Variants in TMEM167A observed in about 807,000 individuals in gnomAD.
TMEM167A encodes the protein protein kish-A.
TMEM167A carries 8 observed loss-of-function variants against 11.6 expected under a neutral mutation model. The observed-to-expected ratio is 0.69, with a 90% confidence interval of 0.40 to 1.24. The LOEUF (loss-of-function observed/expected upper bound fraction) is 1.24. Among genes scored for constraint, TMEM167A ranks in the 50% most tolerant of loss-of-function variants. The probability of loss-of-function intolerance (pLI) is 0.01; values close to 1 mark genes in which losing one functional copy is unlikely to be tolerated. For synonymous variants in TMEM167A, 22 were observed against 28.0 expected (o/e 0.79, Z 0.67); for missense variants, 62 against 87.0 (o/e 0.71, Z 1.14).
chr5:83,061,956 G>A (rs763625689), intron 2 of TMEM167A, 45 bp from the exon 3 acceptor site: 11 of 1,497,256 alleles, frequency 7.3e-6, no homozygotes, highest in South Asian at 2.3e-5. Flanking sequence ...TGATTACTCG[G>A]AAAGGTAAAT....
At position 83,052,940 on chromosome 5, in the gene TMEM167A, A is replaced by T. The variant is rs967309293; in HGVS notation, c.*4144T>A. ...CTGTACTCTTAAAATCACAGGAAAT[A>T]TAATTCCACCTCCCCCTTTTTTTCT... On this transcript the variant is annotated 3_prime_UTR_variant, in exon 4 of 4. Transcript: ENST00000502346. 6.6e-6 allele frequency: 1 copy of T among 151,950 alleles called. No individual in the cohort carries two copies. The highest frequency in any genetic ancestry group is 2.4e-5 in the African/African-American group (1 of 41,406). The allele number at this position is 151,950 out of a possible 1,614,324, so 9.4% of individuals were successfully genotyped here. A position where few individuals can be genotyped will look rare whatever the true frequency, so the allele number is the denominator to read the frequency against.
rs191924643 is a variant in TMEM167A, at chr5:83,060,403, G to T, written c.148+1474C>A. On this transcript the variant is annotated intron_variant, in intron 3 of 3. Coordinates refer to ENST00000502346, the MANE Select transcript of TMEM167A (RefSeq NM_174909.5). ...TACTAAACAAAAGAATTTTTCTTTG[G>T]TTATACAAATGATTCCAAAGAGGAC... is the stretch of plus-strand genomic sequence containing the variant. Among the ~76,000 whole-genome samples, 136 of 151,074 alleles carry T rather than the reference G, an allele frequency of 9.0e-4. No individual in the cohort carries two copies. The Middle Eastern group carries it at 0.014, about 15-fold the overall frequency.
rs1389283608 is a variant in TMEM167A at position 83,055,127 on chromosome 5, C to T, written c.*1957G>A. 2.0e-5 allele frequency: 3 copies of T among 152,014 alleles called. No homozygotes were observed. The highest frequency in any genetic ancestry group is 4.4e-5 in the Non-Finnish European group (3 of 67,938). 9.4% of individuals were successfully genotyped at this position (152,014 alleles called of 1,614,324 possible). ...GTTGTTACAAATATGCTGCCTCCCACTCTGTTTAGCATCTATACAAAGCAA... is the reference window on the plus strand; with the variant it reads ...GTTGTTACAAATATGCTGCCTCCCATTCTGTTTAGCATCTATACAAAGCAA... On this transcript the variant is annotated 3_prime_UTR_variant, in exon 4 of 4. Coordinates refer to ENST00000502346, the MANE Select transcript of TMEM167A (RefSeq NM_174909.5).
At chr5:83,070,508 C>T (rs1263610663) in intron 1 of TMEM167A, among the ~76,000 whole-genome samples, 2 of 152,122 alleles carry the variant, frequency 1.3e-5, no homozygotes, top group Non-Finnish European at 1.5e-5. Context: ...TTTATTTGAT[C>T]ATTTTGAAGT....
At chr5:83,057,250 C>T in intron 3 of TMEM167A, 96 bp from the exon 4 acceptor site, 1 of 1,156,102 alleles carries the variant, frequency 8.6e-7, no homozygotes, top group Admixed American at 1.8e-5. Context: ...TAACATTCTT[C>T]CCTAGGAGGC....
chr5:83,060,098 A>G (rs543442041), intron 3 of TMEM167A, among the ~76,000 whole-genome samples: 1 of 152,136 alleles, frequency 6.6e-6, no homozygotes, highest in Non-Finnish European at 1.5e-5. Context: ...CAATCTCATG[A>G]AGTTTGTTTC....
chr5:83,074,405 C>T (rs910076764), intron 1 of TMEM167A, among the ~76,000 whole-genome samples: 1 of 152,212 alleles, frequency 6.6e-6, no homozygotes, highest in African/African-American at 2.4e-5. Context: ...ACTCCTTCCA[C>T]TGTGTTTAAT....
At position 83,058,289 on chromosome 5, in the gene TMEM167A, A is replaced by G. The variant is rs529645619; in HGVS notation, c.149-1135T>C. On this transcript the variant is annotated intron_variant, in intron 3 of 3. Transcript: ENST00000502346. ...TGAGTTTATGTCTTAGTGTCTGCTC[A>G]TTGTTAATTTCCATAGAAAATATTA... 1.8e-4 allele frequency among the ~76,000 whole-genome samples: 27 copies of G among 152,152 alleles called. No individual in the cohort carries two copies. The South Asian group carries it at 5.6e-3, about 32-fold the overall frequency.
chr5:83,076,850 G>C (rs1330356784), intron 1 of TMEM167A, among the ~76,000 whole-genome samples: 1 of 152,198 alleles, frequency 6.6e-6, no homozygotes, highest in Non-Finnish European at 1.5e-5. Context: ...AGAGAAGAAG[G>C]TGGAAGGGTC....
intron 1 of TMEM167A, among the ~76,000 whole-genome samples, chr5:83,066,503 C>T (rs970900534): frequency 6.6e-6 from 1 of 151,712 alleles, no homozygotes; most frequent in Non-Finnish European, 1.5e-5. Context: ...AGGAGAAAGA[C>T]AATGGAAAAA....
intron 1 of TMEM167A, among the ~76,000 whole-genome samples, chr5:83,066,919 TC>T (rs1369928072): frequency 6.6e-6 from 1 of 152,156 alleles, no homozygotes; most frequent in Non-Finnish European, 1.5e-5. Context: ...CAGGTCTGTT[TC>T]CCCTTTGACC....
chr5:83,065,073 C>A lies in TMEM167A; in HGVS notation c.48G>T (p.Leu16=). 1 of 1,601,812 alleles carries A rather than the reference C, an allele frequency of 6.2e-7. No homozygotes were observed. Among genetic ancestry groups the A allele is most frequent in the Non-Finnish European group, 8.5e-7 (1 of 1,176,844 alleles). Residue 16 remains leucine, a synonymous_variant, in exon 2 of 4, where the codon CTG becomes CTT. Coordinates refer to ENST00000502346, the MANE Select transcript of TMEM167A (RefSeq NM_174909.5). ...NFQSLLTVIL[L]LICTCAYIRS... ...GAATATAAGCACAGGTACATATAAG[C>A]AGCAAGATTACAGTCAATAGACTCT...
chr5:83,053,315 A>G lies in TMEM167A; in HGVS notation c.*3769T>C, dbSNP rs1352753521. Reference sequence around the variant, plus strand: ...GCACCCAGGAAATGTAAATGCAACCATCACTGCTTCTTGTGCAGGTGTGTG... The same window carrying G: ...GCACCCAGGAAATGTAAATGCAACCGTCACTGCTTCTTGTGCAGGTGTGTG... On this transcript the variant is annotated 3_prime_UTR_variant, in exon 4 of 4. Coordinates refer to ENST00000502346, the MANE Select transcript of TMEM167A (RefSeq NM_174909.5). 1 of 151,928 alleles carries G rather than the reference A, an allele frequency of 6.6e-6. No homozygotes were observed. The highest frequency in any genetic ancestry group is 2.4e-5 in the African/African-American group (1 of 41,410). The allele number at this position is 151,928 out of a possible 1,614,324, so 9.4% of individuals were successfully genotyped here.
rs1245600764 is a variant in TMEM167A at position 83,065,048 on chromosome 5, G to A, written c.73C>T (p.Arg25Ter). The change falls in exon 2 of 4, where the codon CGA becomes TGA. Residue 25 changes from arginine to a stop codon, truncating the protein, a stop_gained. Coordinates refer to ENST00000502346, the MANE Select transcript of TMEM167A (RefSeq NM_174909.5). LOFTEE classifies it high-confidence loss of function. ...LLLICTCAYI[R>*]SLAPSLLDRN... ...TCCAGGAGGCTGGGTGCCAAGGATC[G>A]AATATAAGCACAGGTACATATAAGC... The A allele has an allele frequency of 6.9e-6, 11 of 1,604,428 alleles. No individual in the cohort carries two copies. The highest frequency in any genetic ancestry group is 1.7e-5 in the Admixed American group (1 of 59,126).
intron 2 of TMEM167A, among the ~76,000 whole-genome samples, chr5:83,062,743 G>A (rs1000393598): frequency 4.6e-5 from 7 of 151,710 alleles, no homozygotes; most frequent in Non-Finnish European, 7.4e-5. Context: ...TATAAATAGT[G>A]TCACATATGG....
rs1456481118 is a variant in TMEM167A at position 83,056,185 on chromosome 5, A to G, written c.*899T>C. 6.6e-6 allele frequency: 1 copy of G among 152,030 alleles called. No homozygotes were observed. The highest frequency in any genetic ancestry group is 1.5e-5 in the Non-Finnish European group (1 of 67,928). The allele number at this position is 152,030 out of a possible 1,614,324, so 9.4% of individuals were successfully genotyped here. ...TCCAGTTCAAGTTGACAAAACACAA[A>G]CTGGATTTAAAGTGCTGTGTTAAAA... On this transcript the variant is annotated 3_prime_UTR_variant, in exon 4 of 4. Coordinates refer to ENST00000502346, the MANE Select transcript of TMEM167A (RefSeq NM_174909.5).
chr5:83,065,581 A>C (rs1744470210), intron 1 of TMEM167A, among the ~76,000 whole-genome samples: 1 of 152,102 alleles, frequency 6.6e-6, no homozygotes, highest in African/African-American at 2.4e-5. Context: ...AAATGTTCCA[A>C]AATCAAAATT....
chr5:83,073,486 G>A (rs1270370075), intron 1 of TMEM167A, among the ~76,000 whole-genome samples: 3 of 152,314 alleles, frequency 2.0e-5, no homozygotes, highest in Non-Finnish European at 4.4e-5. Flanking sequence ...AAGTAAATGT[G>A]AGTTATACAT....
chr5:83,059,030 C>T (rs1016698442), intron 3 of TMEM167A, among the ~76,000 whole-genome samples: 1 of 152,062 alleles, frequency 6.6e-6, no homozygotes, highest in Non-Finnish European at 1.5e-5. Flanking sequence ...ATATCAGCAA[C>T]ATTTTCTAAG....
Sources: gnomAD v4.1 joint callset for allele counts (sites outside exome capture counted in the v4.1 genomes callset) on GRCh38, gnomAD v4.1.1 for gene constraint, MANE v1.5 for transcripts, NCBI Gene and HGNC (gene_info 2026-07-23, HGNC 2026-07-21) for gene names.